Variants in RIMS2 observed in about 807,000 individuals in gnomAD.
RIMS2 encodes the protein regulating synaptic membrane exocytosis 2.
A neutral mutation model predicts 174.4 loss-of-function variants in RIMS2; 59 were observed. That is an observed-to-expected ratio of 0.34 (90% CI 0.27 to 0.42). The LOEUF is 0.42. Ranked by LOEUF, RIMS2 falls within the 10% of genes least tolerant of loss-of-function variation. The pLI is 1.00. For missense variants in RIMS2, 1,620 were observed against 1,666.3 expected, an observed-to-expected ratio of 0.97 and a Z score of 0.48; for synonymous variants, 606 against 572.5, an observed-to-expected ratio of 1.06 and a Z score of -0.84.
intron 1 of RIMS2, among the ~76,000 whole-genome samples, chr8:103,625,779 A>G (rs1467748642): frequency 1.3e-5 from 2 of 152,100 alleles, no homozygotes; most frequent in African/African-American, 4.8e-5. Flanking sequence ...AATGAACTAA[A>G]TAGTTTGTAT....
chr8:104,166,982 A>T (rs1223550687), intron 19 of RIMS2, among the ~76,000 whole-genome samples: 2 of 152,216 alleles, frequency 1.3e-5, no homozygotes, highest in Non-Finnish European at 2.9e-5. Flanking sequence ...GCTGAGCAGT[A>T]TTCCATGGTG....
chr8:103,606,598 G>A (rs1381424620), intron 1 of RIMS2, among the ~76,000 whole-genome samples: 7 of 152,056 alleles, frequency 4.6e-5, no homozygotes, highest in African/African-American at 1.7e-4. Flanking sequence ...ATTGACAGTG[G>A]GGTGTTAAAG....
At position 103,697,066 on chromosome 8, in the gene RIMS2, C is replaced by G; in HGVS notation, c.177-20C>G. The G allele has an allele frequency of 2.5e-6, 4 of 1,575,456 alleles. No individual in the cohort carries two copies. Among genetic ancestry groups the G allele is most frequent in the South Asian group, 1.1e-5 (1 of 89,410 alleles). On this transcript the variant is annotated intron_variant, in intron 1 of 23. Transcript: ENST00000504942. ...GATCATCAGGAAACCAACTTTTTTT[C>G]TTATCTATTTTCTCTGCAGAAAACT...
chr8:104,251,950 G>A (rs2099360516), downstream of RIMS2: 1 of 641,840 alleles, frequency 1.6e-6, no homozygotes, highest in South Asian at 1.9e-5. Flanking sequence ...GGGATACAAA[G>A]CAATCCTGTG....
chr8:103,564,000 A>C (rs1563796634), intron 1 of RIMS2, among the ~76,000 whole-genome samples: 1 of 152,160 alleles, frequency 6.6e-6, no homozygotes, highest in Non-Finnish European at 1.5e-5. Flanking sequence ...CTCCCACAAC[A>C]CATGGGAATT....
intron 19 of RIMS2, among the ~76,000 whole-genome samples, chr8:104,222,600 A>G (rs2511577): frequency 0.33 from 50,529 of 152,040 alleles, 8,679 homozygotes; most frequent in African/African-American, 0.42. Context: ...TGGGAAAACG[A>G]AATTAAAGTT....
At chr8:103,806,608 A>T (rs114654630) in intron 3 of RIMS2, among the ~76,000 whole-genome samples, 4 of 151,666 alleles carry the variant, frequency 2.6e-5, no homozygotes, top group Non-Finnish European at 5.9e-5. Context: ...AAGGAGCATG[A>T]TATTATTTTG....
chr8:103,565,125 A>T (rs2092176090), intron 1 of RIMS2, among the ~76,000 whole-genome samples: 1 of 152,168 alleles, frequency 6.6e-6, no homozygotes, highest in Non-Finnish European at 1.5e-5. Context: ...TCTCATTAAG[A>T]TTTACACTAG....
chr8:104,105,258 T>C (rs2098022254), intron 19 of RIMS2, among the ~76,000 whole-genome samples: 1 of 152,158 alleles, frequency 6.6e-6, no homozygotes, highest in Non-Finnish European at 1.5e-5. Context: ...CAAAGAAATT[T>C]AAACTTCTAA....
chr8:104,130,291 T>G (rs2098464173), intron 19 of RIMS2, among the ~76,000 whole-genome samples: 1 of 152,214 alleles, frequency 6.6e-6, no homozygotes, highest in African/African-American at 2.4e-5. Context: ...GTTCATGTAA[T>G]GATCTGGGTG....
At chr8:104,027,647 T>C (rs1452746165) in intron 19 of RIMS2, among the ~76,000 whole-genome samples, 1 of 152,222 alleles carries the variant, frequency 6.6e-6, no homozygotes, top group East Asian at 1.9e-4. Context: ...ACTGTGTGAC[T>C]CTAGACCCTT....
chr8:104,025,391 G>A (rs1042884859), intron 19 of RIMS2, among the ~76,000 whole-genome samples: 9 of 152,124 alleles, frequency 5.9e-5, no homozygotes, highest in African/African-American at 2.2e-4. Flanking sequence ...GGGAGCTTGA[G>A]GCAGGAAGAT....
intron 1 of RIMS2, among the ~76,000 whole-genome samples, chr8:103,684,920 C>T (rs527317114): frequency 6.6e-6 from 1 of 152,194 alleles, no homozygotes; most frequent in South Asian, 2.1e-4. Flanking sequence ...GAAATCTTTT[C>T]CTAACCTATC....
intron 1 of RIMS2, among the ~76,000 whole-genome samples, chr8:103,609,967 G>A (rs769002725): frequency 1.6e-4 from 24 of 152,124 alleles, no homozygotes; most frequent in African/African-American, 2.2e-4. Flanking sequence ...CCATGAGTAC[G>A]GAATGCCTTT....
At chr8:103,583,466 G>A (rs760042000) in intron 1 of RIMS2, among the ~76,000 whole-genome samples, 1 of 152,104 alleles carries the variant, frequency 6.6e-6, no homozygotes, top group African/African-American at 2.4e-5. Context: ...ATCAATCCTG[G>A]AGAAATATAT....
At chr8:104,175,476 TA>T (rs1241696126) in intron 19 of RIMS2, among the ~76,000 whole-genome samples, 1 of 152,174 alleles carries the variant, frequency 6.6e-6, no homozygotes, top group Non-Finnish European at 1.5e-5. Flanking sequence ...TCAGTTATTT[TA>T]AAATGTATAA....
At chr8:103,791,616 A>G (rs1236025010) in intron 3 of RIMS2, among the ~76,000 whole-genome samples, 2 of 152,214 alleles carry the variant, frequency 1.3e-5, no homozygotes, top group Non-Finnish European at 2.9e-5. Flanking sequence ...ATTAAAAGAC[A>G]CAGACTGGCA....
intron 19 of RIMS2, among the ~76,000 whole-genome samples, chr8:104,118,335 TTTTG>T (rs1164327568): frequency 2.7e-5 from 4 of 149,782 alleles, no homozygotes; most frequent in Non-Finnish European, 4.4e-5. Context: ...TATTGGGGTT[TTTTG>T]TTTGTTTATT....
intron 19 of RIMS2, among the ~76,000 whole-genome samples, chr8:104,124,947 A>G (rs866663622): frequency 6.7e-6 from 1 of 148,272 alleles, no homozygotes; most frequent in Non-Finnish European, 1.5e-5. Flanking sequence ...TTAAATATGA[A>G]AAACAAGAAG....
Sources: gnomAD v4.1 joint callset for allele counts (sites outside exome capture counted in the v4.1 genomes callset) on GRCh38, gnomAD v4.1.1 for gene constraint, MANE v1.5 for transcripts, NCBI Gene and HGNC (gene_info 2026-07-23, HGNC 2026-07-21) for gene names.